The following DIP2C variants were observed in gnomAD, a reference collection of about 807,000 sequenced individuals.
DIP2C encodes DIP2 acetate--CoA ligase C (putative), also known as disco-interacting protein 2 homolog C.
DIP2C carries 33 observed loss-of-function variants against 192.4 expected under a neutral mutation model. The observed-to-expected ratio is 0.17, with a 90% CI of 0.13 to 0.23. DIP2C has a LOEUF of 0.23. Ranked by LOEUF, DIP2C falls within the 10% of genes least tolerant of loss-of-function variation. The pLI is 1.00. For synonymous variants in DIP2C, 979 were observed against 864.1 expected, an observed-to-expected ratio of 1.13 and a Z score of -2.33; for missense variants, 1,537 against 2,110.1, an observed-to-expected ratio of 0.73 and a Z score of 5.32.
chr10:574,307 C>A lies in DIP2C; in HGVS notation c.86-87777G>T, dbSNP rs538940028. Among the ~76,000 whole-genome samples, 20 of 152,238 alleles carry A rather than the reference C, an allele frequency of 1.3e-4. No homozygotes were observed. In the East Asian group the frequency reaches 3.3e-3, roughly 25 times the overall value. ...AAAATAAAACCCACTGTTATCTTTC[C>A]GCAATTAAATAACCAAGGATAGGAA... On this transcript the variant is annotated intron_variant, in intron 1 of 36. Coordinates refer to ENST00000280886, the MANE Select transcript of DIP2C (RefSeq NM_014974.3).
chr10:660,163 A>G (rs1486600443), intron 1 of DIP2C, among the ~76,000 whole-genome samples: 1 of 151,960 alleles, frequency 6.6e-6, no homozygotes, highest in Non-Finnish European at 1.5e-5. Context: ...TGAAACAGAG[A>G]TTCTAGCCCT....
At chr10:602,518 C>T (rs892056723) in intron 1 of DIP2C, among the ~76,000 whole-genome samples, 2 of 152,208 alleles carry the variant, frequency 1.3e-5, no homozygotes, top group African/African-American at 4.8e-5. Context: ...GTTGGAAGGC[C>T]TGAAGGAGCC....
intron 1 of DIP2C, among the ~76,000 whole-genome samples, chr10:508,429 TAA>T (rs1222496976): frequency 2.0e-5 from 3 of 152,200 alleles, no homozygotes; most frequent in Non-Finnish European, 4.4e-5. Flanking sequence ...AAAAGGGGGT[TAA>T]TTCTAACAGT....
intron 1 of DIP2C, among the ~76,000 whole-genome samples, chr10:499,851 C>T (rs1845101929): frequency 6.6e-6 from 1 of 152,218 alleles, no homozygotes; most frequent in Admixed American, 6.5e-5. Flanking sequence ...TACCATCTGC[C>T]AAATTGTTGA....
intron 2 of DIP2C, among the ~76,000 whole-genome samples, chr10:475,291 C>T (rs993601816): frequency 6.6e-6 from 1 of 152,200 alleles, no homozygotes; most frequent in Non-Finnish European, 1.5e-5. Flanking sequence ...AAATGATGAA[C>T]CACAAATTTC....
At chr10:397,319 C>A (rs1964064156) in intron 10 of DIP2C, among the ~76,000 whole-genome samples, 1 of 152,164 alleles carries the variant, frequency 6.6e-6, no homozygotes. Context: ...CACCTGAGGT[C>A]AGGAGTTCGA....
chr10:281,505 G>C (rs1432465674), intron 35 of DIP2C, among the ~76,000 whole-genome samples, 182 bp from the exon 36 acceptor site: 1 of 152,222 alleles, frequency 6.6e-6, no homozygotes, highest in African/African-American at 2.4e-5. Context: ...TGCTCGGCTC[G>C]TGTGCCAGTA....
intron 32 of DIP2C, among the ~76,000 whole-genome samples, chr10:305,209 T>A (rs1326169124): frequency 6.6e-6 from 1 of 151,854 alleles, no homozygotes. Flanking sequence ...CACATCACAC[T>A]CACCCATGCA....
chr10:312,818 TTAAA>T (rs1244868480), intron 31 of DIP2C, among the ~76,000 whole-genome samples: 3 of 152,210 alleles, frequency 2.0e-5, no homozygotes, highest in Admixed American at 6.5e-5. Context: ...ATGCAATGAT[TTAAA>T]TAATTTCTTT....
intron 4 of DIP2C, among the ~76,000 whole-genome samples, chr10:426,641 C>A (rs1020261934): frequency 6.6e-6 from 1 of 152,144 alleles, no homozygotes; most frequent in Non-Finnish European, 1.5e-5. Context: ...GTAGTATTAG[C>A]AGAAGAATAG....
intron 1 of DIP2C, chr10:664,624 C>T (rs1185950320): frequency 1.3e-5 from 2 of 152,158 alleles, no homozygotes. Context: ...ACAGAGAAAT[C>T]ATTGGTACTA....
chr10:576,995 A>G (rs982748633), intron 1 of DIP2C, among the ~76,000 whole-genome samples: 1 of 152,200 alleles, frequency 6.6e-6, no homozygotes, highest in African/African-American at 2.4e-5. Flanking sequence ...TATAAAATTC[A>G]TTAGCTGGTA....
At chr10:340,040 G>A (rs1202289376) in intron 29 of DIP2C, among the ~76,000 whole-genome samples, 1 of 152,048 alleles carries the variant, frequency 6.6e-6, no homozygotes, top group Non-Finnish European at 1.5e-5. Context: ...AATTAGCAGG[G>A]CGTGGTGGCA....
At chr10:682,916 A>G (rs980787008) in intron 1 of DIP2C, among the ~76,000 whole-genome samples, 6 of 152,224 alleles carry the variant, frequency 3.9e-5, no homozygotes, top group African/African-American at 1.4e-4. Context: ...CAGGAGCCCA[A>G]AAGAAAAGAC....
intron 1 of DIP2C, among the ~76,000 whole-genome samples, chr10:564,803 C>T (rs2131486646): frequency 6.6e-6 from 1 of 152,260 alleles, no homozygotes; most frequent in East Asian, 1.9e-4. Context: ...CTCTTCCCAT[C>T]TCAGAAAAAA....
In DIP2C at chr10:487,192, G is replaced by A. The variant is rs535423634; in HGVS notation, c.86-662C>T. ...GCACACAGGACAAAGCCACCTCATC[G>A]ACACACAGAGGCCCTTCCCATTCAC... On this transcript the variant is annotated intron_variant, in intron 1 of 36. Coordinates refer to ENST00000280886, the MANE Select transcript of DIP2C (RefSeq NM_014974.3). Among the ~76,000 whole-genome samples the A allele has an allele frequency of 2.0e-3, 298 of 152,078 alleles. 1 individual carries two copies. The highest frequency in any genetic ancestry group is 0.01 in the Middle Eastern group (3 of 294).
chr10:532,061 T>G (rs898528738), intron 1 of DIP2C, among the ~76,000 whole-genome samples: 1 of 152,182 alleles, frequency 6.6e-6, no homozygotes, highest in African/African-American at 2.4e-5. Context: ...GAGTCCCCTT[T>G]AGTGCCATAA....
At chr10:417,632 GCTCGGATAGGCCTCCC>G (rs1965746039) in intron 6 of DIP2C, among the ~76,000 whole-genome samples, 1 of 126,330 alleles carries the variant, frequency 7.9e-6, no homozygotes. Flanking sequence ...GCCTGTCAGG[GCTCGGATAGGCCTCCC>G]TGTCCACCTG....
intron 1 of DIP2C, among the ~76,000 whole-genome samples, chr10:563,247 T>C (rs1042961728): frequency 3.3e-5 from 5 of 152,242 alleles, no homozygotes; most frequent in African/African-American, 1.2e-4. Flanking sequence ...GGCTTGGGGC[T>C]GCCATTTTCT....
Sources: allele counts gnomAD v4.1 joint callset (sites outside exome capture counted in the v4.1 genomes callset), GRCh38; gene constraint gnomAD v4.1.1; transcripts MANE v1.5; gene names NCBI Gene and HGNC (gene_info 2026-07-23, HGNC 2026-07-21).